Variants in PLXDC2 observed in about 807,000 individuals in gnomAD.
PLXDC2 encodes plexin domain-containing protein 2.
A neutral mutation model predicts 68.9 loss-of-function variants in PLXDC2; 40 were observed. The ratio of observed to expected loss-of-function variants is 0.58; its 90% CI spans 0.45 to 0.76. The LOEUF is 0.76. PLXDC2 is among the 30% of genes least tolerant of loss of function. PLXDC2 has a pLI of 0.00. For synonymous variants in PLXDC2, 243 were observed against 234.2 expected, an observed-to-expected ratio of 1.04 and a Z score of -0.34; for missense variants, 644 against 661.9, an observed-to-expected ratio of 0.97 and a Z score of 0.30.
At chr10:19,953,021 C>A (rs537020942) in intron 1 of PLXDC2, among the ~76,000 whole-genome samples, 2 of 152,082 alleles carry the variant, frequency 1.3e-5, no homozygotes, top group Non-Finnish European at 2.9e-5. Flanking sequence ...TGTGCCACCA[C>A]GCCCAGCTAA....
intron 4 of PLXDC2, among the ~76,000 whole-genome samples, chr10:20,122,649 A>T (rs1414496290): frequency 6.6e-6 from 1 of 152,166 alleles, no homozygotes; most frequent in African/African-American, 2.4e-5. Flanking sequence ...GAGGTTCTGG[A>T]GAAATGTCTG....
intron 1 of PLXDC2, among the ~76,000 whole-genome samples, chr10:19,850,600 C>T (rs1412634452): frequency 2.6e-5 from 4 of 152,158 alleles, no homozygotes; most frequent in Non-Finnish European, 4.4e-5. Context: ...CCACCACTTA[C>T]ACACCCATAC....
At chr10:20,238,151 T>C (rs1835458537) in intron 12 of PLXDC2, among the ~76,000 whole-genome samples, 1 of 149,770 alleles carries the variant, frequency 6.7e-6, no homozygotes, top group Non-Finnish European at 1.5e-5. Context: ...AATAAATAAA[T>C]ATATATATGT....
intron 1 of PLXDC2, among the ~76,000 whole-genome samples, chr10:19,959,413 A>T (rs1315750506): frequency 1.3e-5 from 2 of 152,208 alleles, no homozygotes; most frequent in Non-Finnish European, 2.9e-5. Flanking sequence ...AAAATAATTC[A>T]TCACTGAAAA....
In PLXDC2 at chr10:19,952,785, C is replaced by T. The variant is rs74997203; in HGVS notation, c.113-48990C>T. On this transcript the variant is annotated intron_variant, in intron 1 of 13. Transcript: ENST00000377252. ...AGAATAGGCTAGTTGTTACTTGCTT[C>T]GGATTTTCCAGAAGGAAATAAGACT... Among the ~76,000 whole-genome samples, 1,152 of 152,222 alleles carry T rather than the reference C, an allele frequency of 7.6e-3. 4 individuals carry two copies. The highest frequency in any genetic ancestry group is 0.012 in the Non-Finnish European group (820 of 68,020).
At chr10:20,158,501 C>CAAAAAAAAAAA (rs59079629) in intron 6 of PLXDC2, among the ~76,000 whole-genome samples, 11 of 118,748 alleles carry the variant, frequency 9.3e-5, no homozygotes, top group African/African-American at 1.9e-4. Context: ...TCTGTCTCTG[C>CAAAAAAAAAAA]AAAAAAAAAA....
At chr10:20,068,983 G>A (rs565992521) in intron 4 of PLXDC2, among the ~76,000 whole-genome samples, 1 of 152,142 alleles carries the variant, frequency 6.6e-6, no homozygotes, top group Admixed American at 6.5e-5. Context: ...TAGGGAAGAA[G>A]GAGAAAAACA....
intron 2 of PLXDC2, among the ~76,000 whole-genome samples, chr10:20,021,185 T>C (rs1456557635): frequency 6.9e-6 from 1 of 145,164 alleles, no homozygotes; most frequent in Non-Finnish European, 1.5e-5. Context: ...ATGGTAACTT[T>C]ATCCTGTTTT....
At chr10:19,900,980 GAT>G (rs1491363152) in intron 1 of PLXDC2, among the ~76,000 whole-genome samples, 1 of 108,660 alleles carries the variant, frequency 9.2e-6, no homozygotes, top group African/African-American at 4.2e-5. Context: ...ATATATGTGT[GAT>G]GTGTGTGTGT....
At chr10:19,878,865 A>G (rs1837680528) in intron 1 of PLXDC2, among the ~76,000 whole-genome samples, 1 of 152,206 alleles carries the variant, frequency 6.6e-6, no homozygotes, top group South Asian at 2.1e-4. Context: ...GTATTTTAAA[A>G]TGGCTTTCGT....
intron 1 of PLXDC2, among the ~76,000 whole-genome samples, chr10:19,999,731 G>C (rs11011729): frequency 6.6e-6 from 1 of 151,922 alleles, no homozygotes; most frequent in African/African-American, 2.4e-5. Flanking sequence ...AAGTTTTATT[G>C]CTGGGTTATA....
intron 1 of PLXDC2, among the ~76,000 whole-genome samples, chr10:19,819,482 G>T (rs994187206): frequency 5.2e-5 from 3 of 57,364 alleles, no homozygotes; most frequent in Non-Finnish European, 1.4e-4. Context: ...AATTCAGTAT[G>T]GGGGGAAAAG....
intron 13 of PLXDC2, among the ~76,000 whole-genome samples, chr10:20,275,492 C>T (rs1186791887): frequency 1.8e-4 from 28 of 152,250 alleles, no homozygotes. Flanking sequence ...CATGAGGGCT[C>T]GGGGAGCGCA....
At chr10:20,136,889 G>T (rs967529093) in intron 4 of PLXDC2, among the ~76,000 whole-genome samples, 3 of 152,134 alleles carry the variant, frequency 2.0e-5, no homozygotes, top group Non-Finnish European at 4.4e-5. Flanking sequence ...TAGCTTCTTT[G>T]TGCATCCTTT....
chr10:19,863,118 G>A (rs1259892691), intron 1 of PLXDC2, among the ~76,000 whole-genome samples: 1 of 152,138 alleles, frequency 6.6e-6, no homozygotes, highest in Non-Finnish European at 1.5e-5. Context: ...CTCACTCATC[G>A]TTGAATCTTC....
intron 1 of PLXDC2, among the ~76,000 whole-genome samples, chr10:19,834,719 G>A (rs924777870): frequency 1.3e-5 from 2 of 152,204 alleles, no homozygotes; most frequent in Admixed American, 6.5e-5. Context: ...TTGATAGTGA[G>A]GTTTAGCTCT....
chr10:20,082,228 A>G (rs1448287581), intron 4 of PLXDC2, among the ~76,000 whole-genome samples: 1 of 151,766 alleles, frequency 6.6e-6, no homozygotes. Context: ...TAATTCAGCT[A>G]ATTATATATC....
intron 3 of PLXDC2, 33 bp downstream of exon 3, chr10:20,047,048 C>T: frequency 2.0e-6 from 3 of 1,534,210 alleles, no homozygotes; most frequent in East Asian, 2.3e-5. Flanking sequence ...TTCATTTTAC[C>T]TACTGTGAAA....
At chr10:20,065,909 A>G (rs1453434002) in intron 3 of PLXDC2, among the ~76,000 whole-genome samples, 1 of 152,236 alleles carries the variant, frequency 6.6e-6, no homozygotes, top group Non-Finnish European at 1.5e-5. Context: ...CCCAGTTCCT[A>G]ACAGGTCATG....
Sources: allele counts gnomAD v4.1 joint callset (sites outside exome capture counted in the v4.1 genomes callset), GRCh38; gene constraint gnomAD v4.1.1; transcripts MANE v1.5; gene names NCBI Gene and HGNC (gene_info 2026-07-23, HGNC 2026-07-21).